The following LRFN5 variants were observed in gnomAD, a reference collection of about 807,000 sequenced individuals.
LRFN5 encodes the protein leucine-rich repeat and fibronectin type-III domain-containing protein 5.
LRFN5 carries 24 observed loss-of-function variants against 45.6 expected under a neutral mutation model. That is an observed-to-expected ratio of 0.53 (90% CI 0.38 to 0.74). The LOEUF (loss-of-function observed/expected upper bound fraction) is 0.74. LRFN5 is among the 30% of genes least tolerant of loss of function. The pLI is 0.00. For synonymous variants in LRFN5, 340 were observed against 313.8 expected (o/e 1.08, Z -0.88); for missense variants, 776 against 861.5 (o/e 0.90, Z 1.24).
At chr14:41,867,369 G>C (rs1193244739) in intron 2 of LRFN5, among the ~76,000 whole-genome samples, 1 of 151,242 alleles carries the variant, frequency 6.6e-6, no homozygotes, top group African/African-American at 2.4e-5. Context: ...TGTGTGTGGA[G>C]GGTTATGTGT....
intron 5 of LRFN5, among the ~76,000 whole-genome samples, chr14:41,903,462 A>G (rs942754858): frequency 2.0e-5 from 3 of 151,386 alleles, no homozygotes; most frequent in African/African-American, 7.2e-5. Flanking sequence ...TTCCATTTTC[A>G]TCAAGAATAG....
chr14:41,740,367 A>G (rs573309486), intron 1 of LRFN5, among the ~76,000 whole-genome samples: 44 of 152,116 alleles, frequency 2.9e-4, no homozygotes, highest in African/African-American at 1.0e-3. Context: ...TTATTCCACA[A>G]GAGAAAGGAT....
At chr14:41,780,405 A>G (rs1886439825) in intron 2 of LRFN5, among the ~76,000 whole-genome samples, 1 of 151,980 alleles carries the variant, frequency 6.6e-6, no homozygotes. Context: ...TTCCTGAAGA[A>G]TTGACAGCTT....
chr14:41,844,392 T>C (rs574760175), intron 2 of LRFN5, among the ~76,000 whole-genome samples: 2 of 150,794 alleles, frequency 1.3e-5, no homozygotes, highest in South Asian at 2.1e-4. Flanking sequence ...AGCGGAGATC[T>C]TGCCACCACA....
intron 1 of LRFN5, among the ~76,000 whole-genome samples, chr14:41,673,901 TC>T (rs1160569851): frequency 4.6e-4 from 43 of 92,624 alleles, no homozygotes; most frequent in Non-Finnish European, 7.6e-4. Context: ...GGGGGACTGA[TC>T]CCCCCACCTC....
At chr14:41,774,920 G>A (rs571630714) in intron 2 of LRFN5, among the ~76,000 whole-genome samples, 2 of 152,082 alleles carry the variant, frequency 1.3e-5, no homozygotes, top group East Asian at 3.9e-4. Flanking sequence ...TGATCTTGCA[G>A]GGGGGTAGCT....
chr14:41,844,329 C>G (rs948424479), intron 2 of LRFN5, among the ~76,000 whole-genome samples: 1 of 150,576 alleles, frequency 6.6e-6, no homozygotes, highest in Non-Finnish European at 1.5e-5. Flanking sequence ...CCCAGCTACT[C>G]GGGAGGCTGA....
Position 41,856,734 on chromosome 14 carries a change from T to C in LRFN5, c.-20-29872T>C, listed in dbSNP as rs1889482657. Among the ~76,000 whole-genome samples, 4 of 123,718 alleles carry C rather than the reference T, an allele frequency of 3.2e-5. No homozygotes were observed. In the South Asian group the frequency reaches 1.2e-3, roughly 38 times the overall value. The allele number at this position is 123,718 out of a possible 152,430, so 81.2% of individuals were successfully genotyped here. A position where few individuals can be genotyped will look rare whatever the true frequency, so the allele number is the denominator to read the frequency against. Reference sequence around the variant, plus strand: ...TTCTGTCGCCCAGGCAGGAGTGCTGTGGCGCGATCTCCGCTCACTGCAAGC... The same window carrying C: ...TTCTGTCGCCCAGGCAGGAGTGCTGCGGCGCGATCTCCGCTCACTGCAAGC... On this transcript the variant is annotated intron_variant, in intron 2 of 5. Coordinates refer to ENST00000298119, the MANE Select transcript of LRFN5 (RefSeq NM_152447.5).
chr14:41,756,091 G>GC (rs1476733904), intron 1 of LRFN5, among the ~76,000 whole-genome samples: 12 of 152,190 alleles, frequency 7.9e-5, no homozygotes, highest in African/African-American at 2.6e-4. Flanking sequence ...TTGAATATTG[G>GC]CCCCCACTCT....
At position 41,884,296 on chromosome 14, in the gene LRFN5, T is replaced by C. The variant is rs1890489075; in HGVS notation, c.-20-2310T>C. On this transcript the variant is annotated intron_variant, in intron 2 of 5. Transcript: ENST00000298119. The stretch of plus-strand genomic sequence containing the variant: ...CAAAACTTGTTGTTTTATATATTTT[T>C]GTAATTTTATTTGTTAATGCTTATT... 2.6e-5 allele frequency among the ~76,000 whole-genome samples: 4 copies of C among 152,246 alleles called. No homozygotes were observed. In the South Asian group the frequency reaches 8.3e-4, roughly 32 times the overall value.
intron 1 of LRFN5, among the ~76,000 whole-genome samples, chr14:41,690,414 A>G (rs943753805): frequency 4.6e-5 from 7 of 152,012 alleles, no homozygotes; most frequent in Admixed American, 3.9e-4. Context: ...TTAGCCGGGC[A>G]TGGTGGTGTG....
chr14:41,844,391 CT>C (rs1273532638), intron 2 of LRFN5, among the ~76,000 whole-genome samples: 1 of 149,520 alleles, frequency 6.7e-6, no homozygotes, highest in African/African-American at 2.5e-5. Flanking sequence ...GAGCGGAGAT[CT>C]TGCCACCACA....
intron 1 of LRFN5, among the ~76,000 whole-genome samples, chr14:41,754,642 T>A (rs911437425): frequency 2.0e-5 from 3 of 152,204 alleles, no homozygotes; most frequent in Non-Finnish European, 4.4e-5. Context: ...TGTGTCTATT[T>A]GATTCTTCTC....
At chr14:41,823,626 A>C (rs1304490711) in intron 2 of LRFN5, among the ~76,000 whole-genome samples, 1 of 151,988 alleles carries the variant, frequency 6.6e-6, no homozygotes, top group African/African-American at 2.4e-5. Flanking sequence ...GCCTTGGTGA[A>C]GTTTGTCTTG....
chr14:41,648,612 T>C (rs1879935713), intron 1 of LRFN5, among the ~76,000 whole-genome samples: 1 of 152,296 alleles, frequency 6.6e-6, no homozygotes, highest in Non-Finnish European at 1.5e-5. Flanking sequence ...TAAGTATTTC[T>C]GAGAGAAATT....
Position 41,761,488 on chromosome 14 carries a change from T to C in LRFN5, c.-196-5366T>C, listed in dbSNP as rs567732324. On this transcript the variant is annotated intron_variant, in intron 1 of 5. Transcript: ENST00000298119. Reference sequence around the variant, plus strand: ...ACTGACATACATATTAGTGTGACCATACTATCTGTCTGCTGACTTTTGCCA... The same window carrying C: ...ACTGACATACATATTAGTGTGACCACACTATCTGTCTGCTGACTTTTGCCA... Among the ~76,000 whole-genome samples, 504 of 152,278 alleles carry C rather than the reference T, an allele frequency of 3.3e-3. 5 individuals carry two copies. Among genetic ancestry groups the C allele is most frequent in the African/African-American group, 0.012 (483 of 41,568 alleles).
intron 1 of LRFN5, among the ~76,000 whole-genome samples, chr14:41,653,281 GT>G (rs1880217425): frequency 6.6e-6 from 1 of 152,104 alleles, no homozygotes; most frequent in Non-Finnish European, 1.5e-5. Context: ...ATCTTCCAGA[GT>G]TTTTATAGCT....
At chr14:41,690,478 T>G (rs1196421164) in intron 1 of LRFN5, among the ~76,000 whole-genome samples, 5 of 152,048 alleles carry the variant, frequency 3.3e-5, no homozygotes, top group African/African-American at 1.2e-4. Flanking sequence ...ACTTGCGCCC[T>G]TGGGAGGTGG....
chr14:41,659,883 C>G (rs1170549798), intron 1 of LRFN5, among the ~76,000 whole-genome samples: 1 of 142,750 alleles, frequency 7.0e-6, no homozygotes, highest in African/African-American at 2.6e-5. Context: ...CCTTCACCCA[C>G]TTTTTGATGT....
Sources: gnomAD v4.1 joint callset for allele counts (sites outside exome capture counted in the v4.1 genomes callset) on GRCh38, gnomAD v4.1.1 for gene constraint, MANE v1.5 for transcripts, NCBI Gene and HGNC (gene_info 2026-07-23, HGNC 2026-07-21) for gene names.